Variants in TMTC1 observed in about 807,000 individuals in gnomAD.
TMTC1 encodes transmembrane O-mannosyltransferase targeting cadherins 1.
Under a neutral mutation model 104.8 loss-of-function variants are expected in TMTC1, and 73 were observed. The ratio of observed to expected loss-of-function variants is 0.70; its 90% confidence interval spans 0.58 to 0.85. The LOEUF (loss-of-function observed/expected upper bound fraction) is 0.85. Among genes scored for constraint, TMTC1 ranks in the 40% least tolerant of loss-of-function variants. The pLI, the probability that TMTC1 is intolerant of heterozygous loss-of-function variation, is 0.00. For synonymous variants in TMTC1, 434 were observed against 428.7 expected, an observed-to-expected ratio of 1.01 and a Z score of -0.15; for missense variants, 1,035 against 1,096.1, an observed-to-expected ratio of 0.94 and a Z score of 0.79.
chr12:29,777,673 A>G (rs1218208313), intron 1 of TMTC1, among the ~76,000 whole-genome samples: 2 of 152,172 alleles, frequency 1.3e-5, no homozygotes, highest in African/African-American at 4.8e-5. Context: ...AGCTTCCAAG[A>G]TAACCTTAGG....
At position 29,633,321 on chromosome 12, in the gene TMTC1, G is replaced by C; in HGVS notation, c.954C>G (p.Ser318=). 6.2e-7 allele frequency: 1 copy of C among 1,609,542 alleles called. No individual in the cohort carries two copies. The highest frequency in any genetic ancestry group is 8.5e-7 in the Non-Finnish European group (1 of 1,177,138). The change falls in exon 6 of 18, where the codon TCC becomes TCG. Residue 318 remains serine (S), a synonymous_variant. Transcript: ENST00000539277. ...GCCACACATTGAAGGCCAAGAGGTA[G>C]GAATAGGTGAGGAATCTATAAAGAG... ...VWSMMRFLTY[S]YLLAFNVWLL...
rs761883631 is a variant in TMTC1, at chr12:29,502,406, C to A, written c.*4440G>T. ...ATAATTAACAAAAGCTCATGTGTGC[C>A]CAAAATAAAGATAGAGATGTAGGCA... On this transcript the variant is annotated 3_prime_UTR_variant, in exon 18 of 18. Transcript: ENST00000539277. 40 of 150,892 alleles carry A rather than the reference C, an allele frequency of 2.7e-4. No homozygotes were observed. The highest frequency in any genetic ancestry group is 4.6e-4 in the Non-Finnish European group (31 of 67,886). 9.3% of individuals were successfully genotyped at this position (150,892 alleles called of 1,614,324 possible). A position where few individuals can be genotyped will look rare whatever the true frequency, so the allele number is the denominator to read the frequency against.
intron 6 of TMTC1, among the ~76,000 whole-genome samples, chr12:29,607,342 T>C (rs1721413171): frequency 6.6e-6 from 1 of 152,190 alleles, no homozygotes; most frequent in African/African-American, 2.4e-5. Context: ...GAATATTTGC[T>C]GAATAAATCA....
chr12:29,724,191 A>G (rs1942316966), intron 5 of TMTC1, among the ~76,000 whole-genome samples: 1 of 152,242 alleles, frequency 6.6e-6, no homozygotes, highest in Admixed American at 6.5e-5. Flanking sequence ...AACAAATTAC[A>G]ACACAGTTAG....
At chr12:29,604,807 G>A in intron 6 of TMTC1, among the ~76,000 whole-genome samples, 1 of 152,202 alleles carries the variant, frequency 6.6e-6, no homozygotes, top group East Asian at 1.9e-4. Context: ...AATTTGGGAT[G>A]CCAATGGAGA....
At chr12:29,588,619 G>A (rs1446268072) in intron 7 of TMTC1, among the ~76,000 whole-genome samples, 1 of 152,186 alleles carries the variant, frequency 6.6e-6, no homozygotes, top group Non-Finnish European at 1.5e-5. Flanking sequence ...ATTCACATGG[G>A]TAGGGAACAA....
chr12:29,678,974 C>T (rs1311249153), intron 5 of TMTC1, among the ~76,000 whole-genome samples: 1 of 152,148 alleles, frequency 6.6e-6, no homozygotes, highest in East Asian at 1.9e-4. Flanking sequence ...AGCAATCACA[C>T]TCAAATCCGA....
intron 5 of TMTC1, among the ~76,000 whole-genome samples, chr12:29,736,187 C>T (rs1942668186): frequency 7.0e-6 from 1 of 142,530 alleles, no homozygotes; most frequent in African/African-American, 2.6e-5. Flanking sequence ...GAGGAGACAG[C>T]AAAGGCAATG....
At chr12:29,649,341 A>G (rs1939413735) in intron 5 of TMTC1, among the ~76,000 whole-genome samples, 1 of 152,246 alleles carries the variant, frequency 6.6e-6, no homozygotes, top group Non-Finnish European at 1.5e-5. Context: ...TAAAATCTAA[A>G]TTTAGAGCAA....
chr12:29,563,362 C>T (rs1199604960), intron 9 of TMTC1, among the ~76,000 whole-genome samples: 18 of 152,176 alleles, frequency 1.2e-4, no homozygotes, highest in Admixed American at 9.2e-4. Context: ...GTTGCACTAA[C>T]ACTTCCTAGC....
intron 1 of TMTC1, among the ~76,000 whole-genome samples, chr12:29,777,093 CT>C (rs1218309383): frequency 5.0e-5 from 7 of 139,800 alleles, no homozygotes; most frequent in Non-Finnish European, 9.4e-5. Context: ...CCTTACCCCC[CT>C]CTCTCTCTTT....
chr12:29,579,429 G>C (rs1368853402), intron 8 of TMTC1, among the ~76,000 whole-genome samples: 1 of 152,164 alleles, frequency 6.6e-6, no homozygotes, highest in Non-Finnish European at 1.5e-5. Context: ...TTCCCTGGGA[G>C]GTATTCTAAA....
rs1227599460 is a variant in TMTC1, at chr12:29,740,501, G to C, written c.938+11165C>G. ...ATCAGACTCCAAGCTCTTCAGTCTG[G>C]GGACTCCAACTGGCACTCCTTGCTC... On this transcript the variant is annotated intron_variant, in intron 5 of 17. Transcript: ENST00000539277. 2.6e-5 allele frequency among the ~76,000 whole-genome samples: 4 copies of C among 152,100 alleles called. No individual in the cohort carries two copies. In the East Asian group the frequency reaches 5.8e-4, roughly 22 times the overall value.
At chr12:29,710,826 T>C (rs1443830558) in intron 5 of TMTC1, among the ~76,000 whole-genome samples, 3 of 136,212 alleles carry the variant, frequency 2.2e-5, no homozygotes, top group African/African-American at 8.3e-5. Context: ...ATAATGTTTA[T>C]ATAATATAAA....
chr12:29,617,417 C>G (rs1947012518), intron 6 of TMTC1, among the ~76,000 whole-genome samples: 1 of 152,102 alleles, frequency 6.6e-6, no homozygotes, highest in Non-Finnish European at 1.5e-5. Flanking sequence ...TCTTTGGGCA[C>G]TGTACTTACT....
At chr12:29,637,378 C>A (rs1156415416) in intron 5 of TMTC1, among the ~76,000 whole-genome samples, 1 of 152,092 alleles carries the variant, frequency 6.6e-6, no homozygotes, top group African/African-American at 2.4e-5. Flanking sequence ...AGTGCAAAAC[C>A]AAAATGAATT....
chr12:29,775,067 G>A (rs1259546626), intron 1 of TMTC1, among the ~76,000 whole-genome samples: 1 of 152,088 alleles, frequency 6.6e-6, no homozygotes, highest in African/African-American at 2.4e-5. Flanking sequence ...ACTAAAGAAA[G>A]GGTAAGAAAA....
At chr12:29,740,505 C>A (rs1025529743) in intron 5 of TMTC1, among the ~76,000 whole-genome samples, 2 of 152,196 alleles carry the variant, frequency 1.3e-5, no homozygotes, top group South Asian at 2.1e-4. Context: ...AGTCTGGGGA[C>A]TCCAACTGGC....
intron 5 of TMTC1, chr12:29,658,917 T>C (rs1423792234): frequency 6.6e-6 from 1 of 152,202 alleles, no homozygotes; most frequent in African/African-American, 2.4e-5. Context: ...TATAATTACA[T>C]CTGAAAGCCT....
Sources: allele counts gnomAD v4.1 joint callset (sites outside exome capture counted in the v4.1 genomes callset), GRCh38; gene constraint gnomAD v4.1.1; transcripts MANE v1.5; gene names NCBI Gene and HGNC (gene_info 2026-07-23, HGNC 2026-07-21).